Variants in NCKAP5 observed in about 807,000 individuals in gnomAD.
NCKAP5 encodes NCK associated protein 5.
A neutral mutation model predicts 167.0 loss-of-function variants in NCKAP5; 92 were observed. The observed-to-expected ratio is 0.55, with a 90% CI of 0.47 to 0.66. The LOEUF is 0.66. Among genes scored for constraint, NCKAP5 ranks in the 30% least tolerant of loss-of-function variants. The pLI is 0.00. For synonymous variants in NCKAP5, 891 were observed against 877.4 expected (o/e 1.02, Z -0.27); for missense variants, 2,378 against 2,315.0 (o/e 1.03, Z -0.56).
intron 19 of NCKAP5, among the ~76,000 whole-genome samples, chr2:132,679,820 T>C (rs921029854): frequency 6.6e-6 from 1 of 152,128 alleles, no homozygotes; most frequent in Admixed American, 6.5e-5. Flanking sequence ...TATGTTCTTG[T>C]TGTGGGAATG....
chr2:133,213,115 G>A (rs1228867832), intron 5 of NCKAP5, among the ~76,000 whole-genome samples: 4 of 152,154 alleles, frequency 2.6e-5, no homozygotes, highest in Non-Finnish European at 4.4e-5. Context: ...CATCTCTGAT[G>A]TTATAAGAGG....
chr2:132,860,430 T>C (rs1201104363), intron 11 of NCKAP5, 62 bp downstream of exon 11: 1 of 1,533,548 alleles, frequency 6.5e-7, no homozygotes, highest in Non-Finnish European at 8.8e-7. Context: ...ACTTCTGAAC[T>C]TAAGTAACTT....
chr2:133,076,773 G>A (rs1010622372), intron 6 of NCKAP5, among the ~76,000 whole-genome samples: 1 of 152,158 alleles, frequency 6.6e-6, no homozygotes, highest in Non-Finnish European at 1.5e-5. Flanking sequence ...GACGGCTACT[G>A]CTATATAGCC....
chr2:132,741,296 C>T (rs1287639136), intron 16 of NCKAP5, among the ~76,000 whole-genome samples: 19 of 152,046 alleles, frequency 1.2e-4, no homozygotes, highest in Non-Finnish European at 2.9e-5. Flanking sequence ...TCTTGTCACT[C>T]CAGACTGAAA....
chr2:132,828,697 T>C (rs1054569632), intron 11 of NCKAP5, among the ~76,000 whole-genome samples: 4 of 152,184 alleles, frequency 2.6e-5, no homozygotes, highest in African/African-American at 9.6e-5. Context: ...GTACAACAAA[T>C]AGTCTTTATT....
At chr2:132,893,533 G>T (rs1293544076) in intron 8 of NCKAP5, among the ~76,000 whole-genome samples, 1 of 152,154 alleles carries the variant, frequency 6.6e-6, no homozygotes, top group Non-Finnish European at 1.5e-5. Context: ...AATGAAAGAG[G>T]CACAACATAT....
At chr2:132,952,538 T>C (rs1294493564) in intron 8 of NCKAP5, among the ~76,000 whole-genome samples, 1 of 152,158 alleles carries the variant, frequency 6.6e-6, no homozygotes, top group Non-Finnish European at 1.5e-5. Flanking sequence ...GGTTATGTCT[T>C]GATTGAACAA....
chr2:133,379,864 T>TA (rs1330974055), intron 3 of NCKAP5, among the ~76,000 whole-genome samples: 1 of 152,126 alleles, frequency 6.6e-6, no homozygotes, highest in Non-Finnish European at 1.5e-5. Flanking sequence ...AAGTAAATAA[T>TA]AAAAATTGGG....
chr2:133,199,954 A>T (rs1361107505), intron 5 of NCKAP5, among the ~76,000 whole-genome samples: 1 of 151,970 alleles, frequency 6.6e-6, no homozygotes, highest in East Asian at 1.9e-4. Flanking sequence ...CACACAAAAA[A>T]GCATATAGTT....
intron 17 of NCKAP5, among the ~76,000 whole-genome samples, chr2:132,730,648 C>T (rs985766534): frequency 3.9e-5 from 6 of 152,190 alleles, no homozygotes; most frequent in Admixed American, 6.5e-5. Flanking sequence ...TGTTTAATCA[C>T]GGAGTCTACA....
At chr2:133,111,225 G>A (rs530526147) in intron 6 of NCKAP5, among the ~76,000 whole-genome samples, 69 of 152,238 alleles carry the variant, frequency 4.5e-4, no homozygotes, top group African/African-American at 1.4e-3. Flanking sequence ...CAATTTAAGT[G>A]AAGGTGAATT....
chr2:133,033,060 G>C (rs903061374), intron 6 of NCKAP5, among the ~76,000 whole-genome samples: 2 of 152,336 alleles, frequency 1.3e-5, no homozygotes, highest in Admixed American at 1.3e-4. Context: ...AAGACACAGA[G>C]CCAAACAATA....
chr2:132,904,669 T>C (rs892384232), intron 8 of NCKAP5, among the ~76,000 whole-genome samples: 8 of 152,228 alleles, frequency 5.3e-5, no homozygotes, highest in Non-Finnish European at 1.2e-4. Context: ...TAGTACCATC[T>C]AAACATTTTG....
In NCKAP5 at chr2:133,362,879, G is replaced by A. The variant is rs768553065; in HGVS notation, c.70-59769C>T. On this transcript the variant is annotated intron_variant, in intron 3 of 19. Transcript: ENST00000409261. The stretch of plus-strand genomic sequence containing the variant: ...CACCATTCTCCTGCCTCAGCCTCCC[G>A]AGTAGCTGGGACTATAGGTGCCCGC... Among the ~76,000 whole-genome samples the A allele has an allele frequency of 9.5e-4, 145 of 151,914 alleles. 1 individual carries two copies. The highest frequency in any genetic ancestry group is 1.6e-3 in the Non-Finnish European group (110 of 67,928).
intron 4 of NCKAP5, among the ~76,000 whole-genome samples, chr2:133,278,001 C>T (rs2089797346): frequency 6.6e-6 from 1 of 151,950 alleles, no homozygotes; most frequent in Non-Finnish European, 1.5e-5. Context: ...GATCCAGGAT[C>T]TAAATGTAAA....
chr2:133,513,334 A>T (rs1376667973), intron 3 of NCKAP5, among the ~76,000 whole-genome samples: 1 of 152,236 alleles, frequency 6.6e-6, no homozygotes, highest in Non-Finnish European at 1.5e-5. Context: ...CCTGTGGTCC[A>T]TGACCAAGCA....
chr2:133,360,263 T>C (rs923413919), intron 3 of NCKAP5, among the ~76,000 whole-genome samples: 1 of 152,206 alleles, frequency 6.6e-6, no homozygotes. Flanking sequence ...ATCAGGAAAG[T>C]GGCATCCAGA....
At chr2:133,323,644 T>C (rs1682223724) in intron 3 of NCKAP5, among the ~76,000 whole-genome samples, 1 of 152,230 alleles carries the variant, frequency 6.6e-6, no homozygotes, top group Non-Finnish European at 1.5e-5. Context: ...ACCTTTCTCC[T>C]GTGCCACCTA....
rs75024454 is a variant in NCKAP5, at chr2:133,041,358, T to G, written c.342-47119A>C. ...GCCAGACACTATAATGAACAAGGAC[T>G]GAATGACTACTTCAGTTAGAATTCT... On this transcript the variant is annotated intron_variant, in intron 6 of 19. Transcript: ENST00000409261. Among the ~76,000 whole-genome samples the G allele has an allele frequency of 4.7e-4, 71 of 152,300 alleles. No individual in the cohort carries two copies. In the East Asian group the frequency reaches 0.012, roughly 26 times the overall value.
Sources: allele counts gnomAD v4.1 joint callset (sites outside exome capture counted in the v4.1 genomes callset), GRCh38; gene constraint gnomAD v4.1.1; transcripts MANE v1.5; gene names NCBI Gene and HGNC (gene_info 2026-07-23, HGNC 2026-07-21).